The following CDKL5 variants were observed in gnomAD, a reference collection of about 807,000 sequenced individuals.
The protein encoded by CDKL5 is cyclin-dependent kinase-like 5.
A neutral mutation model predicts 61.7 loss-of-function variants in CDKL5; 8 were observed. The ratio of observed to expected loss-of-function variants is 0.13; its 90% CI spans 0.08 to 0.23. CDKL5 has a LOEUF of 0.23. Ranked by LOEUF, CDKL5 falls within the 10% of genes least tolerant of loss-of-function variation. The pLI is 1.00. For missense variants in CDKL5, 440 were observed against 734.5 expected (o/e 0.60, Z 4.63); for synonymous variants, 275 against 272.3 (o/e 1.01, Z -0.10).
intron 5 of CDKL5, among the ~76,000 whole-genome samples, chrX:18,577,469 G>C (rs1326535756): frequency 8.9e-6 from 1 of 112,174 alleles, no homozygotes; most frequent in Non-Finnish European, 1.9e-5. Flanking sequence ...TAAGGGACTG[G>C]TAACAGAGAC....
intron 16 of CDKL5, among the ~76,000 whole-genome samples, chrX:18,622,860 C>T (rs193110996): frequency 4.3e-4 from 48 of 111,769 alleles, no homozygotes; most frequent in African/African-American, 1.5e-3. Flanking sequence ...GCCTCTTCAG[C>T]GATGCAAGTT....
intron 1 of CDKL5, among the ~76,000 whole-genome samples, chrX:18,456,020 T>C (rs1932131555): frequency 9.0e-6 from 1 of 111,373 alleles, no homozygotes; most frequent in Admixed American, 9.6e-5. Context: ...CTTAAGTAGA[T>C]GTCACAACCC....
intron 21 of CDKL5, among the ~76,000 whole-genome samples, chrX:18,652,435 G>A (rs1288562060): frequency 2.7e-5 from 3 of 112,200 alleles, no homozygotes; most frequent in East Asian, 2.8e-4. Context: ...TTGGGAGGCC[G>A]AGGCGGGAGG....
intron 11 of CDKL5, among the ~76,000 whole-genome samples, chrX:18,600,099 A>G (rs1324354206): frequency 8.9e-6 from 1 of 112,154 alleles, no homozygotes; most frequent in Admixed American, 9.4e-5. Flanking sequence ...CACCTGGCCA[A>G]TCAGTTGTTC....
At position 18,604,978 on chromosome X, in the gene CDKL5, T is replaced by C. The variant is rs1926314402; in HGVS notation, c.1944+110T>C. ...TCCCTACTACAGGAGGTTGTGCTTT[T>C]CTTGATAGGATGCATTTAGGGAAGC... On this transcript the variant is annotated intron_variant, in intron 12 of 17. Coordinates refer to ENST00000623535, the MANE Select transcript of CDKL5 (RefSeq NM_001323289.2). 5 of 921,714 alleles carry C rather than the reference T, an allele frequency of 5.4e-6. No homozygotes were observed. In the East Asian group the frequency reaches 1.5e-4, roughly 28 times the overall value. 76.0% of individuals were successfully genotyped at this position (921,714 alleles called of 1,213,427 possible). A position where few individuals can be genotyped will look rare whatever the true frequency, so the allele number is the denominator to read the frequency against.
At chrX:18,461,532 A>T (rs1443096902) in intron 1 of CDKL5, among the ~76,000 whole-genome samples, 1 of 112,232 alleles carries the variant, frequency 8.9e-6, no homozygotes, top group Non-Finnish European at 1.9e-5. Flanking sequence ...TACTTTCAAG[A>T]CACACGGTCT....
intron 1 of CDKL5, among the ~76,000 whole-genome samples, chrX:18,458,257 T>G (rs1932196378): frequency 9.1e-6 from 1 of 110,006 alleles, no homozygotes; most frequent in African/African-American, 3.3e-5. Context: ...TCAAGAGCTG[T>G]TAAAGTGATG....
At position 18,638,814 on chromosome X, in the gene CDKL5, A is replaced by G. The variant is rs916910070; in HGVS notation, c.*10057A>G. ...GGAGGACTCACATGCCCCAATTTCA[A>G]AACTTACTACAAAGCTACAATAATG... On this transcript the variant is annotated 3_prime_UTR_variant, in exon 18 of 18. Coordinates refer to ENST00000623535, the MANE Select transcript of CDKL5 (RefSeq NM_001323289.2). Among the ~76,000 whole-genome samples the G allele has an allele frequency of 8.9e-6, 1 of 112,139 alleles. No individual in the cohort carries two copies. Among genetic ancestry groups the G allele is most frequent in the Admixed American group, 9.5e-5 (1 of 10,495 alleles).
intron 1 of CDKL5, among the ~76,000 whole-genome samples, chrX:18,463,036 TAAATG>T (rs758881392): frequency 9.2e-6 from 1 of 109,205 alleles, no homozygotes; most frequent in South Asian, 4.0e-4. Context: ...AAATAAAAAA[TAAATG>T]AAAAAAATAA....
At chrX:18,613,992 T>C (rs1249514214) in intron 15 of CDKL5, among the ~76,000 whole-genome samples, 3 of 112,129 alleles carry the variant, frequency 2.7e-5, no homozygotes, top group Non-Finnish European at 5.6e-5. Flanking sequence ...GTAAGGACTT[T>C]AAGAAAAATA....
chrX:18,605,186 G>T, intron 12 of CDKL5, among the ~76,000 whole-genome samples: 1 of 109,980 alleles, frequency 9.1e-6, no homozygotes, highest in South Asian at 3.9e-4. Flanking sequence ...TTCATCAGCT[G>T]TATCAGTTAG....
chrX:18,644,691 G>C (rs1927712102), downstream of CDKL5: 2 of 1,104,996 alleles, frequency 1.8e-6, no homozygotes, highest in African/African-American at 3.6e-5. Context: ...GCCCGCAGGT[G>C]CTGGCTCTCG....
intron 21 of CDKL5, chrX:18,653,382 A>G: frequency 8.3e-7 from 1 of 1,198,427 alleles, no homozygotes; most frequent in Non-Finnish European, 1.1e-6. Context: ...TGCACCTGCT[A>G]GCGCTCCTGG....
At chrX:18,491,048 A>G (rs1176727853) in intron 1 of CDKL5, among the ~76,000 whole-genome samples, 1 of 112,102 alleles carries the variant, frequency 8.9e-6, no homozygotes, top group East Asian at 2.8e-4. Context: ...CTGTTTGGCC[A>G]GTGGTATTCC....
In CDKL5 at chrX:18,612,653, T is replaced by TA. The variant is rs745865761; in HGVS notation, c.2153-484dup. Among the ~76,000 whole-genome samples, 368 of 91,717 alleles carry TA rather than the reference T, an allele frequency of 4.0e-3. 2 individuals are homozygous for TA. The highest frequency in any genetic ancestry group is 9.6e-3 in the African/African-American group (233 of 24,335). 79.6% of individuals were successfully genotyped at this position (91,717 alleles called of 115,157 possible). ...CCAGCATGAGTAACAGTCTCTTATTTAAAAAAAAAAAAAAAGAGAGAGAGA... is the reference window on the plus strand; with the variant it reads ...CCAGCATGAGTAACAGTCTCTTATTTAAAAAAAAAAAAAAAAGAGAGAGAGA... On this transcript the variant is annotated intron_variant, in intron 14 of 17. Coordinates refer to ENST00000623535, the MANE Select transcript of CDKL5 (RefSeq NM_001323289.2).
chrX:18,543,378 G>A (rs1924090314), intron 3 of CDKL5, among the ~76,000 whole-genome samples: 1 of 109,927 alleles, frequency 9.1e-6, no homozygotes, highest in Non-Finnish European at 1.9e-5. Flanking sequence ...GAGACAATAA[G>A]GAAACCCAGG....
chrX:18,653,332 T>C, intron 21 of CDKL5: 1 of 1,158,422 alleles, frequency 8.6e-7, no homozygotes, highest in Non-Finnish European at 1.1e-6. Flanking sequence ...AGAATGCATG[T>C]GGCCTTCTGC....
chrX:18,471,144 G>A (rs1040790040), intron 1 of CDKL5, among the ~76,000 whole-genome samples: 1 of 110,678 alleles, frequency 9.0e-6, no homozygotes, highest in Non-Finnish European at 1.9e-5. Context: ...AGCATCTCAA[G>A]TCTTTTTTTT....
chrX:18,633,862 C>T lies in CDKL5; in HGVS notation c.*5105C>T. ...CTCTCCGGGCACTGACCCCACCTTT[C>T]CGTGTATTTACTGTAGGCTATTAAA... On this transcript the variant is annotated 3_prime_UTR_variant, in exon 18 of 18. Transcript: ENST00000623535. 1 of 753,959 alleles carries T rather than the reference C, an allele frequency of 1.3e-6. No individual in the cohort carries two copies. The highest frequency in any genetic ancestry group is 1.6e-6 in the Non-Finnish European group (1 of 639,221). 62.1% of individuals were successfully genotyped at this position (753,959 alleles called of 1,213,427 possible).
Sources: allele counts gnomAD v4.1 joint callset (sites outside exome capture counted in the v4.1 genomes callset), GRCh38; gene constraint gnomAD v4.1.1; transcripts MANE v1.5; gene names NCBI Gene and HGNC (gene_info 2026-07-23, HGNC 2026-07-21).